SEMA3C: variants seen among roughly 807,000 people sequenced by gnomAD.
SEMA3C encodes semaphorin-3C.
Under a neutral mutation model 89.4 loss-of-function variants are expected in SEMA3C, and 47 were observed. The ratio of observed to expected loss-of-function variants is 0.53; its 90% confidence interval spans 0.42 to 0.67. The LOEUF is 0.67. SEMA3C is among the 30% of genes least tolerant of loss of function. The pLI, the probability that SEMA3C is intolerant of heterozygous loss-of-function variation, is 0.00. For missense variants in SEMA3C, 839 were observed against 929.1 expected (o/e 0.90, Z 1.26); for synonymous variants, 310 against 320.2 (o/e 0.97, Z 0.34).
intron 2 of SEMA3C, among the ~76,000 whole-genome samples, chr7:80,871,684 C>T (rs1182462374): frequency 6.6e-6 from 1 of 152,082 alleles, no homozygotes; most frequent in Non-Finnish European, 1.5e-5. Flanking sequence ...GAAGTCTCTG[C>T]CCTCATGGTG....
At chr7:80,753,818 GAACA>G (rs1428158662) in intron 15 of SEMA3C, among the ~76,000 whole-genome samples, 1 of 152,096 alleles carries the variant, frequency 6.6e-6, no homozygotes, top group Non-Finnish European at 1.5e-5. Flanking sequence ...TCTGAATCCA[GAACA>G]AATACTGTTA....
At chr7:80,799,354 AT>A (rs1789143259) in intron 10 of SEMA3C, among the ~76,000 whole-genome samples, 1 of 152,176 alleles carries the variant, frequency 6.6e-6, no homozygotes, top group South Asian at 2.1e-4. Flanking sequence ...AAAGGGACCC[AT>A]TATCTTCCAC....
intron 12 of SEMA3C, among the ~76,000 whole-genome samples, chr7:80,771,267 C>G (rs1788425985): frequency 6.6e-6 from 1 of 152,178 alleles, no homozygotes; most frequent in Admixed American, 6.5e-5. Context: ...TCAATTTTCT[C>G]TTCTGTGAGG....
At chr7:80,895,718 A>T (rs1791717878) in intron 2 of SEMA3C, among the ~76,000 whole-genome samples, 1 of 152,208 alleles carries the variant, frequency 6.6e-6, no homozygotes, top group Admixed American at 6.5e-5. Flanking sequence ...TATGAGCTTT[A>T]TAATGAGGAG....
At chr7:80,820,054 CTTTT>C (rs768363975) in intron 4 of SEMA3C, among the ~76,000 whole-genome samples, 1 of 124,118 alleles carries the variant, frequency 8.1e-6, no homozygotes, top group Admixed American at 8.8e-5. Context: ...ATGTATGCTC[CTTTT>C]TTTTTTTTTT....
At position 80,803,943 on chromosome 7, in the gene SEMA3C, A is replaced by C. The variant is rs185536207; in HGVS notation, c.801+163T>G. 5.3e-3 allele frequency among the ~76,000 whole-genome samples: 795 copies of C among 151,202 alleles called. 6 individuals carry two copies. Among genetic ancestry groups the C allele is most frequent in the African/African-American group, 0.017 (723 of 41,566 alleles). On this transcript the variant is annotated intron_variant, in intron 8 of 17. Coordinates refer to ENST00000265361, the MANE Select transcript of SEMA3C (RefSeq NM_006379.5). ...GGTTATAAACACTATATTCAATATA[A>C]AATGATGAATATTAAATATAATAAT...
intron 2 of SEMA3C, among the ~76,000 whole-genome samples, chr7:80,835,157 G>A (rs1441002862): frequency 6.6e-6 from 1 of 152,098 alleles, no homozygotes; most frequent in African/African-American, 2.4e-5. Flanking sequence ...TAGATTAGAA[G>A]CATATGCAGT....
intron 7 of SEMA3C, among the ~76,000 whole-genome samples, chr7:80,805,304 G>C (rs1789311870): frequency 6.6e-6 from 1 of 151,998 alleles, no homozygotes; most frequent in Non-Finnish European, 1.5e-5. Context: ...ATTAAATGAA[G>C]TAAAAAGCAT....
At chr7:80,777,668 A>T (rs1788582264) in intron 12 of SEMA3C, among the ~76,000 whole-genome samples, 1 of 152,150 alleles carries the variant, frequency 6.6e-6, no homozygotes, top group African/African-American at 2.4e-5. Flanking sequence ...ATATCTCTTG[A>T]TCTACATACC....
intron 2 of SEMA3C, among the ~76,000 whole-genome samples, chr7:80,881,575 T>C (rs1791341816): frequency 1.3e-5 from 2 of 152,172 alleles, no homozygotes; most frequent in African/African-American, 4.8e-5. Flanking sequence ...AACTGAATGC[T>C]GAATTCTCCC....
At chr7:80,829,134 G>A (rs896496754) in intron 2 of SEMA3C, among the ~76,000 whole-genome samples, 9 of 151,938 alleles carry the variant, frequency 5.9e-5, no homozygotes, top group Non-Finnish European at 1.2e-4. Context: ...GCTACTGCAC[G>A]CCAGCTCTGG....
intron 2 of SEMA3C, among the ~76,000 whole-genome samples, chr7:80,911,894 A>G (rs1361962261): frequency 1.3e-5 from 2 of 152,062 alleles, no homozygotes; most frequent in Non-Finnish European, 2.9e-5. Flanking sequence ...TGGCCTCCCA[A>G]AGTGCTAGGA....
At chr7:80,776,955 A>AT in intron 12 of SEMA3C, among the ~76,000 whole-genome samples, 1 of 152,146 alleles carries the variant, frequency 6.6e-6, no homozygotes, top group African/African-American at 2.4e-5. Context: ...GCTATATACT[A>AT]ATATATATGA....
At chr7:80,897,319 T>C (rs1791763107) in intron 2 of SEMA3C, among the ~76,000 whole-genome samples, 1 of 152,124 alleles carries the variant, frequency 6.6e-6, no homozygotes, top group Admixed American at 6.6e-5. Context: ...AACATTAAAA[T>C]ATCAACATCC....
intron 10 of SEMA3C, among the ~76,000 whole-genome samples, chr7:80,798,538 A>T (rs1789121091): frequency 6.6e-6 from 1 of 152,218 alleles, no homozygotes; most frequent in South Asian, 2.1e-4. Context: ...GCAGCAAGAA[A>T]GTATACTGAT....
At chr7:80,751,711 G>A (rs138697052) in intron 15 of SEMA3C, among the ~76,000 whole-genome samples, 16 of 152,102 alleles carry the variant, frequency 1.1e-4, no homozygotes, top group Non-Finnish European at 1.5e-4. Flanking sequence ...TATAAACTCC[G>A]TAGCATTTTC....
intron 2 of SEMA3C, among the ~76,000 whole-genome samples, chr7:80,898,040 C>CT (rs575646309): frequency 2.2e-4 from 33 of 152,110 alleles, no homozygotes; most frequent in African/African-American, 7.9e-4. Context: ...ATTCCAGATT[C>CT]TTTTTTCTAA....
intron 2 of SEMA3C, among the ~76,000 whole-genome samples, chr7:80,829,458 A>G (rs1487169407): frequency 1.3e-5 from 2 of 152,140 alleles, no homozygotes; most frequent in Non-Finnish European, 1.5e-5. Flanking sequence ...CTATTTATTC[A>G]TCATTTTAGG....
At chr7:80,854,435 C>A (rs1046549237) in intron 2 of SEMA3C, among the ~76,000 whole-genome samples, 1 of 152,130 alleles carries the variant, frequency 6.6e-6, no homozygotes, top group Non-Finnish European at 1.5e-5. Flanking sequence ...CATAGGTATA[C>A]CTCCCATTAG....
Sources: allele counts gnomAD v4.1 joint callset (sites outside exome capture counted in the v4.1 genomes callset), GRCh38; gene constraint gnomAD v4.1.1; transcripts MANE v1.5; gene names NCBI Gene and HGNC (gene_info 2026-07-23, HGNC 2026-07-21).